Variants in RMND1 observed in about 807,000 individuals in gnomAD.
RMND1 encodes the protein required for meiotic nuclear division protein 1 homolog.
Under a neutral mutation model 54.0 loss-of-function variants are expected in RMND1, and 41 were observed. The ratio of observed to expected loss-of-function variants is 0.76; its 90% CI spans 0.59 to 0.98. The LOEUF is 0.98. Among genes scored for constraint, RMND1 ranks in the 50% least tolerant of loss-of-function variants. The probability of loss-of-function intolerance (pLI) is 0.00; values close to 1 mark genes in which losing one functional copy is unlikely to be tolerated. For missense variants in RMND1, 457 were observed against 532.0 expected, an observed-to-expected ratio of 0.86 and a Z score of 1.39; for synonymous variants, 183 against 181.7, an observed-to-expected ratio of 1.01 and a Z score of -0.06.
chr6:151,436,360 C>A lies in RMND1; in HGVS notation c.613+86G>T, dbSNP rs867556343. The A allele has an allele frequency of 3.4e-6, 5 of 1,466,552 alleles. No homozygotes were observed. The Middle Eastern group carries it at 5.7e-4, about 168-fold the overall frequency. The allele number at this position is 1,466,552 out of a possible 1,614,324, so 90.8% of individuals were successfully genotyped here. A position where few individuals can be genotyped will look rare whatever the true frequency, so the allele number is the denominator to read the frequency against. ...AATCCTTTCAAAAGAAAATGAATTG[C>A]AAACAAATACATACTTAAGATAGTA... is the stretch of plus-strand genomic sequence containing the variant. On this transcript the variant is annotated intron_variant, in intron 3 of 11. Transcript: ENST00000444024.
At position 151,431,985 on chromosome 6, in the gene RMND1, G is replaced by C. The variant is rs561242250; in HGVS notation, c.689+1170C>G. Among the ~76,000 whole-genome samples the C allele has an allele frequency of 4.0e-5, 6 of 150,518 alleles. No individual in the cohort carries two copies. In the East Asian group the frequency reaches 9.8e-4, roughly 24 times the overall value. ...AGAGTCTCACTCTGTCACTAGGCTG[G>C]AGTGCAATGGCACGATCTCAGCTGA... On this transcript the variant is annotated intron_variant, in intron 4 of 11. Transcript: ENST00000444024.
intron 10 of RMND1, among the ~76,000 whole-genome samples, chr6:151,416,416 A>G (rs1363065957): frequency 3.7e-5 from 5 of 136,454 alleles, no homozygotes; most frequent in African/African-American, 1.4e-4. Context: ...CTCCATCACT[A>G]CAGCTTTTTT....
intron 2 of RMND1, among the ~76,000 whole-genome samples, chr6:151,443,388 T>C (rs972440986): frequency 1.3e-5 from 2 of 152,178 alleles, no homozygotes. Flanking sequence ...CTCAGCTCAC[T>C]GCAACCTCCA....
intron 10 of RMND1, among the ~76,000 whole-genome samples, chr6:151,412,791 G>A (rs887434966): frequency 6.6e-6 from 1 of 152,118 alleles, no homozygotes; most frequent in South Asian, 2.1e-4. Context: ...GAGCGAACAA[G>A]GGGAGATGCA....
At chr6:151,426,520 AC>A (rs1780301336) in intron 6 of RMND1, among the ~76,000 whole-genome samples, 1 of 151,254 alleles carries the variant, frequency 6.6e-6, no homozygotes, top group African/African-American at 2.4e-5. Context: ...TCCTTTTCAT[AC>A]CCCCACCCCC....
chr6:151,451,402 TATCTTTTGA>T (rs1159237634), intron 1 of RMND1, among the ~76,000 whole-genome samples: 2 of 152,326 alleles, frequency 1.3e-5, no homozygotes, highest in East Asian at 1.9e-4. Flanking sequence ...ACAAAAATCC[TATCTTTTGA>T]ATCTTTTGAA....
intron 4 of RMND1, among the ~76,000 whole-genome samples, chr6:151,431,597 T>G (rs1392193021): frequency 6.6e-6 from 1 of 152,194 alleles, no homozygotes; most frequent in African/African-American, 2.4e-5. Context: ...AGGAATGCAC[T>G]GTGCTGTGCA....
At chr6:151,446,239 A>C (rs904559080) in intron 1 of RMND1, among the ~76,000 whole-genome samples, 3 of 152,112 alleles carry the variant, frequency 2.0e-5, no homozygotes, top group African/African-American at 7.2e-5. Context: ...CTGAGGCAAC[A>C]TGGTGAAACC....
intron 4 of RMND1, among the ~76,000 whole-genome samples, 185 bp downstream of exon 4, chr6:151,432,970 G>C (rs942724643): frequency 6.6e-6 from 1 of 152,088 alleles, no homozygotes; most frequent in Non-Finnish European, 1.5e-5. Context: ...TTATAAGAGG[G>C]TTTACCAGAG....
At chr6:151,437,470 T>C (rs1016078758) in intron 2 of RMND1, among the ~76,000 whole-genome samples, 2 of 152,198 alleles carry the variant, frequency 1.3e-5, no homozygotes, top group African/African-American at 4.8e-5. Flanking sequence ...AGAAGTTGGT[T>C]ACAATTTTAA....
intron 2 of RMND1, among the ~76,000 whole-genome samples, chr6:151,440,597 C>T (rs546673341): frequency 6.6e-6 from 1 of 152,308 alleles, no homozygotes; most frequent in South Asian, 2.1e-4. Flanking sequence ...TGGGATCTCC[C>T]ATTTAGTTTG....
chr6:151,405,693 T>TTA, intron 11 of RMND1, 27 bp downstream of exon 11: 1 of 1,095,054 alleles, frequency 9.1e-7, no homozygotes, highest in South Asian at 1.3e-5. Flanking sequence ...TGGTAACTGA[T>TTA]CATAGTACAG....
At chr6:151,425,596 G>A (rs1417230001) in intron 6 of RMND1, among the ~76,000 whole-genome samples, 2 of 152,140 alleles carry the variant, frequency 1.3e-5, no homozygotes, top group Non-Finnish European at 2.9e-5. Context: ...TGCAGGCCAA[G>A]GGCTGAGTAA....
In RMND1 at chr6:151,425,450, G is replaced by GCA. The variant is rs1562790838; in HGVS notation, c.831-1820_831-1819insTG. ...CGTGTGTGTGTGTGTGTGGATAAGC[G>GCA]TACACACACACACACACAAGGGTCT... On this transcript the variant is annotated intron_variant, in intron 6 of 11. Coordinates refer to ENST00000444024, the MANE Select transcript of RMND1 (RefSeq NM_017909.4). Among the ~76,000 whole-genome samples, 14 of 151,044 alleles carry GCA rather than the reference G, an allele frequency of 9.3e-5. No individual in the cohort carries two copies. The East Asian group carries it at 1.0e-3, about 11-fold the overall frequency.
chr6:151,436,523 G>A lies in RMND1; in HGVS notation c.536C>T (p.Ala179Val). 1.2e-6 allele frequency: 2 copies of A among 1,613,964 alleles called. No homozygotes were observed. Among genetic ancestry groups the A allele is most frequent in the South Asian group, 1.1e-5 (1 of 91,086 alleles). Residue 179 changes from alanine (A) to valine (V), a missense_variant, in exon 3 of 12, where the codon GCA becomes GTA. Coordinates refer to ENST00000444024, the MANE Select transcript of RMND1 (RefSeq NM_017909.4). The stretch of plus-strand genomic sequence containing the variant: ...CAGATTTCCCAGATGATACTCATCT[G>A]CCGTTGCAAATGCTGTGCAGTGCAT... ...DLMHCTAFAT[A>V]DEYHLGNLSQ...
At chr6:151,444,806 C>G (rs1476348954) in intron 2 of RMND1, among the ~76,000 whole-genome samples, 2 of 152,066 alleles carry the variant, frequency 1.3e-5, no homozygotes, top group East Asian at 3.9e-4. Context: ...AAAAAATACC[C>G]CCTTAAACCT....
At chr6:151,412,030 CTT>C (rs1287918271) in intron 10 of RMND1, 3 of 151,604 alleles carry the variant, frequency 2.0e-5, no homozygotes, top group African/African-American at 7.3e-5. Context: ...CTTTTTTTTT[CTT>C]GAGACGAAGT....
At chr6:151,436,306 A>T in intron 3 of RMND1, 140 bp downstream of exon 3, 1 of 866,544 alleles carries the variant, frequency 1.2e-6, no homozygotes, top group Non-Finnish European at 1.7e-6. Flanking sequence ...CATCTTTATA[A>T]AGAGATTCAA....
chr6:151,419,588 TC>T (rs1434223278), intron 9 of RMND1, among the ~76,000 whole-genome samples: 3 of 147,692 alleles, frequency 2.0e-5, no homozygotes, highest in African/African-American at 7.6e-5. Context: ...GCAGGAGGAA[TC>T]CCTGAGCCCA....
Sources: allele counts gnomAD v4.1 joint callset (sites outside exome capture counted in the v4.1 genomes callset), GRCh38; gene constraint gnomAD v4.1.1; transcripts MANE v1.5; gene names NCBI Gene and HGNC (gene_info 2026-07-23, HGNC 2026-07-21).